CIT: variants seen among roughly 807,000 people sequenced by gnomAD.
The protein encoded by CIT is citron rho-interacting serine/threonine kinase.
In CIT, 79 loss-of-function variants were observed where a neutral mutation model predicts 272.7. The ratio of observed to expected loss-of-function variants is 0.29; its 90% confidence interval spans 0.24 to 0.35. CIT has a LOEUF of 0.35. Ranked by LOEUF, CIT falls within the 10% of genes least tolerant of loss-of-function variation. The pLI, the probability that CIT is intolerant of heterozygous loss-of-function variation, is 1.00. For synonymous variants in CIT, 948 were observed against 995.6 expected (o/e 0.95, Z 0.90); for missense variants, 1,909 against 2,618.3 (o/e 0.73, Z 5.91).
chr12:119,846,886 CT>C (rs1288934728), intron 5 of CIT, among the ~76,000 whole-genome samples: 1 of 147,534 alleles, frequency 6.8e-6, no homozygotes. Flanking sequence ...GACATCATCA[CT>C]TAAAAAAAAA....
Position 119,712,457 on chromosome 12 carries a change from A to T in CIT, c.4685-110T>A. On this transcript the variant is annotated intron_variant, in intron 36 of 47. Coordinates refer to ENST00000392521, the MANE Select transcript of CIT (RefSeq NM_001206999.2). This position sits in a 1 kb window ranked among gnomAD's most constrained non-coding sequence, Gnocchi z 5.2. ...CCACCAAACCACGCAAATCCCAGTTACCGCCAAGGCGGGGAGCGGAGGAAG... is the reference window on the plus strand; with the variant it reads ...CCACCAAACCACGCAAATCCCAGTTTCCGCCAAGGCGGGGAGCGGAGGAAG... 1 of 1,418,604 alleles carries T rather than the reference A, an allele frequency of 7.0e-7. No homozygotes were observed. Among genetic ancestry groups the T allele is most frequent in the South Asian group, 1.3e-5 (1 of 77,074 alleles). 87.9% of individuals were successfully genotyped at this position (1,418,604 alleles called of 1,614,324 possible).
chr12:119,707,410 A>G (rs1956936315), intron 40 of CIT, among the ~76,000 whole-genome samples: 2 of 152,230 alleles, frequency 1.3e-5, no homozygotes. Context: ...GGAGCTGCCA[A>G]TGTTAACAAA....
intron 9 of CIT, among the ~76,000 whole-genome samples, chr12:119,813,456 C>A (rs1305340558): frequency 6.6e-6 from 1 of 152,170 alleles, no homozygotes; most frequent in Non-Finnish European, 1.5e-5. Context: ...CCAAACTTCA[C>A]CCTCAGAAAA....
rs748612285 is a variant in CIT at position 119,752,233 on chromosome 12, G to A, written c.2721C>T (p.His907=). The stretch of plus-strand genomic sequence containing the variant: ...GCTTGAGCTCCAGTTTCTGCTCCTC[G>A]TGCTCTAGACTGACCTGAGACAGAG... ...ETRLREVSLE[H]EEQKLELKRQ... Residue 907 remains histidine (H), a synonymous_variant, in exon 23 of 48, where the codon CAC becomes CAT. Transcript: ENST00000392521. 2.0e-5 allele frequency: 32 copies of A among 1,607,620 alleles called. No individual in the cohort carries two copies. The highest frequency in any genetic ancestry group is 1.1e-4 in the East Asian group (5 of 44,872).
At position 119,825,188 on chromosome 12, in the gene CIT, A is replaced by T. The variant is rs1447448396; in HGVS notation, c.934T>A (p.Phe312Ile). 2 of 1,613,792 alleles carry T rather than the reference A, an allele frequency of 1.2e-6. No individual in the cohort carries two copies. Among genetic ancestry groups the T allele is most frequent in the Admixed American group, 3.3e-5 (2 of 59,946 alleles). ...ACCTGGAAATTCATAATGTTATTGA[A>T]GGTTCTGGCAGAGGTTCCCTCTGCG... ...PFAEGTSART[F>I]NNIMNFQRFL... The change falls in exon 8 of 48, where the codon TTC (phenylalanine) becomes ATC (isoleucine). Residue 312 changes from phenylalanine to isoleucine, a missense_variant. By Grantham distance (21) the Phe-to-Ile change is conservative (BLOSUM62 0). Coordinates refer to ENST00000392521, the MANE Select transcript of CIT (RefSeq NM_001206999.2).
rs188119016 is a variant in CIT at position 119,773,958 on chromosome 12, G to A, written c.1942-1048C>T. 2.8e-4 allele frequency among the ~76,000 whole-genome samples: 42 copies of A among 152,282 alleles called. 1 individual carries two copies. The East Asian group carries it at 7.1e-3, about 26-fold the overall frequency. On this transcript the variant is annotated intron_variant, in intron 16 of 47. Coordinates refer to ENST00000392521, the MANE Select transcript of CIT (RefSeq NM_001206999.2). ...CAATATGCAGTATGTCTATAAAAAG[G>A]AATATGATTCCACCTTAAGAAGGAA...
chr12:119,766,120 G>A (rs1962427106), intron 19 of CIT, among the ~76,000 whole-genome samples: 2 of 152,158 alleles, frequency 1.3e-5, no homozygotes, highest in African/African-American at 4.8e-5. Flanking sequence ...GCTAATGCAT[G>A]CTGGGCTTAA....
chr12:119,853,170 T>C (rs997340675), intron 4 of CIT, among the ~76,000 whole-genome samples: 6 of 151,970 alleles, frequency 3.9e-5, no homozygotes, highest in South Asian at 2.1e-4. Context: ...CTACTAAAAA[T>C]ACAAAAATTA....
At chr12:119,757,625 C>A in intron 21 of CIT, 80 bp from the exon 22 acceptor site, 2 of 1,556,214 alleles carry the variant, frequency 1.3e-6, no homozygotes, top group Non-Finnish European at 1.8e-6. Flanking sequence ...GGTAGACGGA[C>A]ACGGAGTTAG....
intron 28 of CIT, among the ~76,000 whole-genome samples, chr12:119,727,995 A>G (rs1468795118): frequency 1.3e-5 from 2 of 152,132 alleles, no homozygotes; most frequent in African/African-American, 4.8e-5. Context: ...CTGGATGCAT[A>G]TGACTAAGTG....
Position 119,835,838 on chromosome 12 carries a change from G to A in CIT, c.517-1610C>T, listed in dbSNP as rs538660320. 2.9e-4 allele frequency among the ~76,000 whole-genome samples: 44 copies of A among 152,252 alleles called. No individual in the cohort carries two copies. In the East Asian group the frequency reaches 6.8e-3, roughly 23 times the overall value. ...GGCAACCCCAAACCAGAGACCCCTG[G>A]AGAAGCCAGTGACTCGCGCATCCTC... is the stretch of plus-strand genomic sequence containing the variant. On this transcript the variant is annotated intron_variant, in intron 5 of 47. Coordinates refer to ENST00000392521, the MANE Select transcript of CIT (RefSeq NM_001206999.2).
intron 28 of CIT, among the ~76,000 whole-genome samples, chr12:119,723,395 AT>A (rs1555224704): frequency 0.045 from 4,211 of 94,210 alleles, 183 homozygotes; most frequent in African/African-American, 0.13. Flanking sequence ...TTCCCTATAC[AT>A]TAAAAAAAAA....
At position 119,784,453 on chromosome 12, in the gene CIT, G is replaced by T; in HGVS notation, c.1402-402C>A. On this transcript the variant is annotated intron_variant, in intron 11 of 47. Coordinates refer to ENST00000392521, the MANE Select transcript of CIT (RefSeq NM_001206999.2). This position sits in a 1 kb window ranked among gnomAD's most constrained non-coding sequence, Gnocchi z 4.7. ...GAGGACAAATCCAGGACAGGGCAAGGAGATATTTATTCGTCTGCACTCTTA... is the reference window on the plus strand; with the variant it reads ...GAGGACAAATCCAGGACAGGGCAAGTAGATATTTATTCGTCTGCACTCTTA... 1 of 1,202,614 alleles carries T rather than the reference G, an allele frequency of 8.3e-7. No homozygotes were observed. The highest frequency in any genetic ancestry group is 1.0e-6 in the Non-Finnish European group (1 of 952,502). The allele number at this position is 1,202,614 out of a possible 1,614,324, so 74.5% of individuals were successfully genotyped here.
At chr12:119,774,558 ATGTG>A (rs3999585) in intron 16 of CIT, among the ~76,000 whole-genome samples, 8,980 of 150,584 alleles carry the variant, frequency 0.06, 837 homozygotes, top group African/African-American at 0.21. Context: ...CACAATGTAT[ATGTG>A]TGTGTGTGTG....
At chr12:119,787,761 T>A (rs1445035110) in intron 10 of CIT, among the ~76,000 whole-genome samples, 12 of 137,986 alleles carry the variant, frequency 8.7e-5, no homozygotes, top group Non-Finnish European at 1.7e-4. Flanking sequence ...CAAATAAATT[T>A]AAAAAAAAAA....
At chr12:119,742,059 C>G (rs990899662) in intron 24 of CIT, among the ~76,000 whole-genome samples, 1 of 152,250 alleles carries the variant, frequency 6.6e-6, no homozygotes, top group East Asian at 1.9e-4. Context: ...AGTCTCTGAC[C>G]TGGGCTAGCC....
chr12:119,835,663 A>G (rs1968942721), intron 5 of CIT, among the ~76,000 whole-genome samples: 2 of 152,176 alleles, frequency 1.3e-5, no homozygotes, highest in African/African-American at 4.8e-5. Flanking sequence ...CGGGGATGTG[A>G]ATTCTCACCA....
rs150492001 is a variant in CIT at position 119,758,693 on chromosome 12, T to G, written c.2429A>C (p.Asn810Thr). 6.2e-7 allele frequency: 1 copy of G among 1,608,552 alleles called. No homozygotes were observed. Among genetic ancestry groups the G allele is most frequent in the Non-Finnish European group, 8.5e-7 (1 of 1,175,036 alleles). Reference protein sequence around the residue: ...KILSEQKAMINAMDSKIRSLE... With the variant: ...KILSEQKAMITAMDSKIRSLE... ...GGATCTGATCTTGGAATCCATAGCA[T>G]TGATCATCTGAAACACAGGGCACCT... Residue 810 changes from asparagine (N) to threonine (T), a missense_variant, in exon 21 of 48, where the codon AAT becomes ACT. Transcript: ENST00000392521.
In CIT at chr12:119,804,421, G is replaced by C; in HGVS notation, c.1112-1032C>G. On this transcript the variant is annotated intron_variant, in intron 9 of 47. Transcript: ENST00000392521. This position sits in a 1 kb window ranked among gnomAD's most constrained non-coding sequence, Gnocchi z 5.3. ...GTGCAGGCTGCATGCTCCCGGCTCC[G>C]TGCGTGCGTGCTCTGGCTGGAACCC... 1.0e-6 allele frequency: 1 copy of C among 985,728 alleles called. No individual in the cohort carries two copies. The highest frequency in any genetic ancestry group is 1.2e-6 in the Non-Finnish European group (1 of 830,174). The allele number at this position is 985,728 out of a possible 1,614,324, so 61.1% of individuals were successfully genotyped here.
Sources: allele counts gnomAD v4.1 joint callset (sites outside exome capture counted in the v4.1 genomes callset), GRCh38; gene constraint gnomAD v4.1.1; non-coding constraint Gnocchi (gnomAD v3.1); transcripts MANE v1.5; gene names NCBI Gene and HGNC (gene_info 2026-07-23, HGNC 2026-07-21).